The following KCTD8 variants were observed in gnomAD, a reference collection of about 807,000 sequenced individuals.
KCTD8 encodes BTB/POZ domain-containing protein KCTD8.
A neutral mutation model predicts 31.5 loss-of-function variants in KCTD8; 27 were observed. That is an observed-to-expected ratio of 0.86 (90% CI 0.63 to 1.18). The LOEUF (loss-of-function observed/expected upper bound fraction) is 1.18, where lower values mean the gene tolerates loss of function less well. KCTD8 is among the 50% of genes most tolerant of loss of function. The probability of loss-of-function intolerance (pLI) is 0.00; values close to 1 mark genes in which losing one functional copy is unlikely to be tolerated. For missense variants in KCTD8, 658 were observed against 647.7 expected, an observed-to-expected ratio of 1.02 and a Z score of -0.17; for synonymous variants, 290 against 280.0, an observed-to-expected ratio of 1.04 and a Z score of -0.36.
chr4:44,366,536 C>T (rs1472606129), intron 1 of KCTD8, among the ~76,000 whole-genome samples: 1 of 152,294 alleles, frequency 6.6e-6, no homozygotes, highest in Non-Finnish European at 1.5e-5. Flanking sequence ...GCTAAGCCTG[C>T]AGAATCGTGA....
chr4:44,245,037 G>C (rs77230947), intron 1 of KCTD8, among the ~76,000 whole-genome samples: 2 of 152,024 alleles, frequency 1.3e-5, no homozygotes, highest in Non-Finnish European at 2.9e-5. Flanking sequence ...ATTTCAGTTT[G>C]TTTAAAGAGT....
intron 1 of KCTD8, among the ~76,000 whole-genome samples, chr4:44,275,646 A>C (rs953634504): frequency 6.6e-6 from 1 of 152,092 alleles, no homozygotes; most frequent in Non-Finnish European, 1.5e-5. Context: ...TAATCTTAAA[A>C]TGTAAATGCA....
intron 1 of KCTD8, among the ~76,000 whole-genome samples, chr4:44,235,398 T>C: frequency 6.7e-6 from 1 of 148,818 alleles, no homozygotes. Flanking sequence ...GGTAGAGATA[T>C]AGATATATAC....
chr4:44,411,030 T>C (rs1418965460), intron 1 of KCTD8, among the ~76,000 whole-genome samples: 1 of 152,132 alleles, frequency 6.6e-6, no homozygotes, highest in Non-Finnish European at 1.5e-5. Context: ...CTCAGTGACT[T>C]TAACAATCCT....
intron 1 of KCTD8, among the ~76,000 whole-genome samples, chr4:44,296,939 C>T (rs1717452963): frequency 6.6e-6 from 1 of 151,940 alleles, no homozygotes; most frequent in African/African-American, 2.4e-5. Context: ...AAAAATGGCT[C>T]ATTTTCATTT....
intron 1 of KCTD8, among the ~76,000 whole-genome samples, chr4:44,234,662 C>A (rs139991587): frequency 1.2e-4 from 18 of 152,168 alleles, no homozygotes; most frequent in Non-Finnish European, 2.5e-4. Context: ...CAGAAAGTCA[C>A]TCTCTTTTGC....
chr4:44,355,856 C>A (rs1284875087), intron 1 of KCTD8, among the ~76,000 whole-genome samples: 1 of 152,054 alleles, frequency 6.6e-6, no homozygotes, highest in Non-Finnish European at 1.5e-5. Context: ...ATATATGGGG[C>A]AGTGCAGTTA....
intron 1 of KCTD8, among the ~76,000 whole-genome samples, chr4:44,339,463 G>C (rs1030962976): frequency 6.6e-6 from 1 of 152,100 alleles, no homozygotes; most frequent in African/African-American, 2.4e-5. Flanking sequence ...AAACAGGGTC[G>C]ATTCAAATGA....
intron 1 of KCTD8, among the ~76,000 whole-genome samples, chr4:44,209,347 T>G (rs1714411034): frequency 6.6e-6 from 1 of 152,182 alleles, no homozygotes; most frequent in African/African-American, 2.4e-5. Context: ...TTCATCTCTT[T>G]TATTTCACCC....
At chr4:44,337,739 A>C (rs1470516285) in intron 1 of KCTD8, among the ~76,000 whole-genome samples, 1 of 151,344 alleles carries the variant, frequency 6.6e-6, no homozygotes, top group Non-Finnish European at 1.5e-5. Flanking sequence ...TTCATGAAAA[A>C]TTGCAATAAT....
At chr4:44,424,371 T>C (rs2109472772) in intron 1 of KCTD8, among the ~76,000 whole-genome samples, 1 of 152,192 alleles carries the variant, frequency 6.6e-6, no homozygotes, top group Non-Finnish European at 1.5e-5. Flanking sequence ...TGCTTTTTCA[T>C]ACAGTTAGAT....
At chr4:44,227,682 A>G (rs1715005119) in intron 1 of KCTD8, among the ~76,000 whole-genome samples, 1 of 152,204 alleles carries the variant, frequency 6.6e-6, no homozygotes, top group African/African-American at 2.4e-5. Flanking sequence ...TAAAAATACC[A>G]TTTAGAAATA....
chr4:44,196,240 T>C (rs889210913), intron 1 of KCTD8, among the ~76,000 whole-genome samples: 1 of 152,222 alleles, frequency 6.6e-6, no homozygotes, highest in African/African-American at 2.4e-5. Flanking sequence ...GAGAAATCCA[T>C]AGTTCTTTTT....
At chr4:44,239,129 C>T (rs1715375806) in intron 1 of KCTD8, among the ~76,000 whole-genome samples, 1 of 152,128 alleles carries the variant, frequency 6.6e-6, no homozygotes, top group Admixed American at 6.6e-5. Flanking sequence ...AGATGAGGAT[C>T]ACATAAAATA....
At chr4:44,176,330 G>A (rs752464032) in intron 1 of KCTD8, among the ~76,000 whole-genome samples, 32 of 152,236 alleles carry the variant, frequency 2.1e-4, no homozygotes, top group Middle Eastern at 3.4e-3. Context: ...GAAGCATACT[G>A]GAATCACCTA....
chr4:44,204,537 C>T (rs1171560355), intron 1 of KCTD8, among the ~76,000 whole-genome samples: 1 of 152,124 alleles, frequency 6.6e-6, no homozygotes, highest in African/African-American at 2.4e-5. Context: ...GACCCTCTCA[C>T]GTGGACCCCC....
At chr4:44,378,167 A>G (rs1350261788) in intron 1 of KCTD8, among the ~76,000 whole-genome samples, 1 of 149,020 alleles carries the variant, frequency 6.7e-6, no homozygotes, top group East Asian at 2.0e-4. Flanking sequence ...GCCCTCCCAT[A>G]CTTTTCCCTA....
At chr4:44,413,199 A>T (rs921461035) in intron 1 of KCTD8, among the ~76,000 whole-genome samples, 2 of 152,208 alleles carry the variant, frequency 1.3e-5, no homozygotes, top group African/African-American at 2.4e-5. Flanking sequence ...AATGTACTGT[A>T]TAATTTACTT....
chr4:44,417,599 T>C (rs1409823416), intron 1 of KCTD8, among the ~76,000 whole-genome samples: 1 of 5,076 alleles, frequency 2.0e-4, no homozygotes, highest in Non-Finnish European at 7.3e-4. Flanking sequence ...GAAAAATCTC[T>C]TTTATGAAGC....
Sources: allele counts gnomAD v4.1 joint callset (sites outside exome capture counted in the v4.1 genomes callset), GRCh38; gene constraint gnomAD v4.1.1; transcripts MANE v1.5; gene names NCBI Gene and HGNC (gene_info 2026-07-23, HGNC 2026-07-21).